NKAIN3: variants seen among roughly 807,000 people sequenced by gnomAD.
NKAIN3 encodes the protein sodium/potassium-transporting ATPase subunit beta-1-interacting protein 3.
NKAIN3 carries 25 observed loss-of-function variants against 30.2 expected under a neutral mutation model. The ratio of observed to expected loss-of-function variants is 0.83; its 90% CI spans 0.60 to 1.16. The LOEUF is 1.16. Among genes scored for constraint, NKAIN3 ranks in the 50% most tolerant of loss-of-function variants. The pLI is 0.00. For missense variants in NKAIN3, 225 were observed against 254.1 expected, an observed-to-expected ratio of 0.89 and a Z score of 0.78; for synonymous variants, 91 against 89.6, an observed-to-expected ratio of 1.02 and a Z score of -0.09.
rs114904026 is a variant in NKAIN3 at position 62,388,566 on chromosome 8, C to A, written c.54+139439C>A. On this transcript the variant is annotated intron_variant, in intron 1 of 6. Coordinates refer to ENST00000623646, the MANE Select transcript of NKAIN3 (RefSeq NM_001304533.3). ...CATTTAATTGGCTACTTTTATCAAA[C>A]CCTGGCCGTGATATTGAACACCAAG... 1.2e-3 allele frequency among the ~76,000 whole-genome samples: 187 copies of A among 152,334 alleles called. 1 individual carries two copies. Among genetic ancestry groups the A allele is most frequent in the African/African-American group, 4.4e-3 (182 of 41,570 alleles).
chr8:62,270,818 C>T (rs544232066), intron 1 of NKAIN3, among the ~76,000 whole-genome samples: 9 of 152,214 alleles, frequency 5.9e-5, no homozygotes, highest in Middle Eastern at 3.4e-3. Flanking sequence ...GTGGCATTTG[C>T]GTTTCTGTGC....
At chr8:62,862,162 C>T (rs1820266216) in intron 4 of NKAIN3, among the ~76,000 whole-genome samples, 1 of 152,030 alleles carries the variant, frequency 6.6e-6, no homozygotes, top group Non-Finnish European at 1.5e-5. Flanking sequence ...TATTTTAAAG[C>T]AGTAAAAACA....
At chr8:62,478,106 A>G (rs1299602140) in intron 1 of NKAIN3, among the ~76,000 whole-genome samples, 1 of 152,108 alleles carries the variant, frequency 6.6e-6, no homozygotes, top group Admixed American at 6.5e-5. Flanking sequence ...CACATTGGAG[A>G]TTAGGGTTTC....
At chr8:62,392,017 A>T (rs928790075) in intron 1 of NKAIN3, among the ~76,000 whole-genome samples, 2 of 152,058 alleles carry the variant, frequency 1.3e-5, no homozygotes, top group African/African-American at 4.8e-5. Flanking sequence ...TGACAACAAC[A>T]AGGAAACATT....
At chr8:62,990,333 C>T (rs1474573119) in intron 5 of NKAIN3, 3 of 1,340,162 alleles carry the variant, frequency 2.2e-6, no homozygotes, top group African/African-American at 1.5e-5. Context: ...CATTCTAAAC[C>T]CCAGATTCAA....
chr8:62,639,453 G>A (rs565699711), intron 3 of NKAIN3, among the ~76,000 whole-genome samples: 3 of 152,170 alleles, frequency 2.0e-5, no homozygotes, highest in East Asian at 1.9e-4. Context: ...AGAGAGATGA[G>A]GACAAAATGA....
At chr8:62,813,476 A>C (rs1006308058) in intron 4 of NKAIN3, among the ~76,000 whole-genome samples, 4 of 146,624 alleles carry the variant, frequency 2.7e-5, no homozygotes, top group African/African-American at 1.0e-4. Context: ...AGCTTCTTGT[A>C]GGCAGCATAC....
intron 1 of NKAIN3, among the ~76,000 whole-genome samples, chr8:62,508,859 C>T (rs913827347): frequency 7.4e-6 from 1 of 135,572 alleles, no homozygotes; most frequent in African/African-American, 3.0e-5. Context: ...AATGAATTTT[C>T]ACGAAGTCAG....
chr8:62,612,474 T>G (rs966496254), intron 3 of NKAIN3, among the ~76,000 whole-genome samples: 3 of 151,990 alleles, frequency 2.0e-5, no homozygotes, highest in Non-Finnish European at 4.4e-5. Context: ...AATATCTATT[T>G]TCAGTCTTTG....
intron 1 of NKAIN3, among the ~76,000 whole-genome samples, chr8:62,361,346 A>G (rs866727900): frequency 2.6e-5 from 4 of 152,200 alleles, no homozygotes; most frequent in Non-Finnish European, 1.5e-5. Context: ...GTGCTACCAA[A>G]TTTATTTAGT....
intron 1 of NKAIN3, among the ~76,000 whole-genome samples, chr8:62,508,250 C>T (rs1277478797): frequency 1.3e-5 from 2 of 152,138 alleles, no homozygotes; most frequent in Non-Finnish European, 1.5e-5. Flanking sequence ...GTGATGACCC[C>T]GAATCATTCC....
chr8:62,814,095 T>C (rs1002213044), intron 4 of NKAIN3, among the ~76,000 whole-genome samples: 40 of 152,048 alleles, frequency 2.6e-4, no homozygotes, highest in African/African-American at 8.7e-4. Flanking sequence ...CTTTTGATAG[T>C]TTGACTATAT....
chr8:62,505,556 A>G (rs917006053), intron 1 of NKAIN3, among the ~76,000 whole-genome samples: 2 of 152,126 alleles, frequency 1.3e-5, no homozygotes, highest in Non-Finnish European at 2.9e-5. Context: ...ATTGAAAATC[A>G]TTTCTATCCC....
At chr8:62,497,764 C>T (rs34720850) in intron 1 of NKAIN3, among the ~76,000 whole-genome samples, 9,971 of 152,154 alleles carry the variant, frequency 0.066, 463 homozygotes, top group Middle Eastern at 0.11. Context: ...GGTACCTTGA[C>T]TCTGAGGCCC....
At position 62,652,449 on chromosome 8, in the gene NKAIN3, A is replaced by T. The variant is rs142370625; in HGVS notation, c.273+62655A>T. ...AGCACTGCCAGACATAGGTGCGATT[A>T]ATCATTTGTTCTCACAATAAAGATA... On this transcript the variant is annotated intron_variant, in intron 3 of 6. Transcript: ENST00000623646. 1.5e-3 allele frequency among the ~76,000 whole-genome samples: 227 copies of T among 152,332 alleles called. 1 individual carries two copies. Among genetic ancestry groups the T allele is most frequent in the African/African-American group, 5.0e-3 (209 of 41,594 alleles).
intron 5 of NKAIN3, among the ~76,000 whole-genome samples, chr8:62,919,226 A>ATTT (rs1415475110): frequency 0.011 from 927 of 88,054 alleles, 14 homozygotes; most frequent in African/African-American, 0.021. Flanking sequence ...TTACTTTCAA[A>ATTT]ATTTTTTTTT....
intron 1 of NKAIN3, among the ~76,000 whole-genome samples, chr8:62,350,335 A>G (rs1816140919): frequency 6.6e-6 from 1 of 152,216 alleles, no homozygotes. Context: ...TGAACCTTGA[A>G]AACATTATAC....
intron 1 of NKAIN3, among the ~76,000 whole-genome samples, chr8:62,345,305 G>GTA (rs1383526415): frequency 1.1e-4 from 13 of 120,362 alleles, no homozygotes; most frequent in African/African-American, 3.2e-4. Context: ...ACATATATAT[G>GTA]TATATATACA....
intron 4 of NKAIN3, among the ~76,000 whole-genome samples, chr8:62,884,231 G>A (rs905103765): frequency 1.3e-5 from 2 of 151,528 alleles, no homozygotes; most frequent in Admixed American, 6.6e-5. Context: ...CATACCCTCT[G>A]CCTCTATTTT....
Sources: gnomAD v4.1 joint callset for allele counts (sites outside exome capture counted in the v4.1 genomes callset) on GRCh38, gnomAD v4.1.1 for gene constraint, MANE v1.5 for transcripts, NCBI Gene and HGNC (gene_info 2026-07-23, HGNC 2026-07-21) for gene names.